SMOC2: variants seen among roughly 807,000 people sequenced by gnomAD.
The protein encoded by SMOC2 is SPARC related modular calcium binding 2.
SMOC2 carries 39 observed loss-of-function variants against 61.4 expected under a neutral mutation model. That is an observed-to-expected ratio of 0.64 (90% CI 0.49 to 0.83). The LOEUF (loss-of-function observed/expected upper bound fraction) is 0.83, where lower values mean the gene tolerates loss of function less well. Among genes scored for constraint, SMOC2 ranks in the 40% least tolerant of loss-of-function variants. SMOC2 has a pLI of 0.00. For synonymous variants in SMOC2, 247 were observed against 239.9 expected (o/e 1.03, Z -0.27); for missense variants, 556 against 592.9 (o/e 0.94, Z 0.65).
At chr6:168,656,651 A>G (rs1047156048) in intron 11 of SMOC2, among the ~76,000 whole-genome samples, 2 of 151,354 alleles carry the variant, frequency 1.3e-5, no homozygotes, top group African/African-American at 4.9e-5. Context: ...GGCAGTGATC[A>G]TCGTCTGCCT....
At chr6:168,597,023 T>C (rs1785350945) in intron 7 of SMOC2, among the ~76,000 whole-genome samples, 1 of 152,238 alleles carries the variant, frequency 6.6e-6, no homozygotes, top group African/African-American at 2.4e-5. Flanking sequence ...GATAAGAGCA[T>C]TGTCATCGTG....
intron 7 of SMOC2, among the ~76,000 whole-genome samples, chr6:168,583,628 A>G (rs1205057983): frequency 6.6e-6 from 1 of 152,156 alleles, no homozygotes; most frequent in Non-Finnish European, 1.5e-5. Flanking sequence ...GCAGAGGCAC[A>G]CGAAAGCCGG....
chr6:168,648,786 C>T (rs1787113086), intron 9 of SMOC2, among the ~76,000 whole-genome samples: 1 of 152,236 alleles, frequency 6.6e-6, no homozygotes, highest in African/African-American at 2.4e-5. Context: ...TGGAAGCCAG[C>T]ATGACTGTGG....
chr6:168,558,730 T>C (rs1043686338), intron 7 of SMOC2, among the ~76,000 whole-genome samples: 1 of 152,258 alleles, frequency 6.6e-6, no homozygotes, highest in African/African-American at 2.4e-5. Flanking sequence ...AGGGCATCTC[T>C]TGAGGCTCTT....
chr6:168,489,744 T>C (rs924468098), intron 1 of SMOC2, among the ~76,000 whole-genome samples: 6 of 152,118 alleles, frequency 3.9e-5, no homozygotes, highest in Non-Finnish European at 5.9e-5. Flanking sequence ...GAATGAAATA[T>C]ATCAAATCGT....
chr6:168,500,892 A>G (rs1782712149), intron 1 of SMOC2, among the ~76,000 whole-genome samples: 1 of 152,180 alleles, frequency 6.6e-6, no homozygotes, highest in African/African-American at 2.4e-5. Flanking sequence ...AGCTAAAGCA[A>G]TAAGGATGGT....
intron 2 of SMOC2, among the ~76,000 whole-genome samples, chr6:168,518,002 T>C (rs1272318685): frequency 1.3e-5 from 2 of 152,236 alleles, no homozygotes; most frequent in African/African-American, 4.8e-5. Flanking sequence ...AAGAATTCTT[T>C]CTCTCTGGAG....
intron 8 of SMOC2, among the ~76,000 whole-genome samples, chr6:168,604,377 G>A (rs1440082761): frequency 6.6e-6 from 1 of 152,016 alleles, no homozygotes; most frequent in Non-Finnish European, 1.5e-5. Flanking sequence ...TGATCACCTA[G>A]GGAGACATGG....
chr6:168,515,304 G>T (rs12193410), intron 2 of SMOC2, among the ~76,000 whole-genome samples: 28,622 of 152,130 alleles, frequency 0.19, 2,885 homozygotes, highest in Admixed American at 0.24. Flanking sequence ...TCTCGTGTGT[G>T]GTGCTGCAGC....
At chr6:168,558,802 CGCATGTGTGTGTGT>C (rs926622462) in intron 7 of SMOC2, among the ~76,000 whole-genome samples, 2 of 132,034 alleles carry the variant, frequency 1.5e-5, no homozygotes, top group Non-Finnish European at 3.5e-5. Context: ...TGTGCGTGTG[CGCATGTGTGTGTGT>C]GCGTATGTGC....
At chr6:168,655,722 C>T (rs1470665338) in intron 11 of SMOC2, among the ~76,000 whole-genome samples, 1 of 152,124 alleles carries the variant, frequency 6.6e-6, no homozygotes, top group Non-Finnish European at 1.5e-5. Context: ...TCCTGGATCC[C>T]CTCACACATG....
Position 168,640,394 on chromosome 6 carries a change from C to T in SMOC2, c.908-10287C>T, listed in dbSNP as rs78518982. 4.2e-4 allele frequency among the ~76,000 whole-genome samples: 64 copies of T among 152,144 alleles called. No homozygotes were observed. The East Asian group carries it at 0.011, about 27-fold the overall frequency. ...CTGCGGCGGGGGGCTGCTGCATTCC[C>T]GGGGGCTGCTGCAGACGCTGAGGGG... is the stretch of plus-strand genomic sequence containing the variant. On this transcript the variant is annotated intron_variant, in intron 9 of 12. Coordinates refer to ENST00000356284, the MANE Select transcript of SMOC2 (RefSeq NM_001166412.2).
chr6:168,510,192 T>A (rs933991002), intron 2 of SMOC2, 106 bp downstream of exon 2: 5 of 1,137,122 alleles, frequency 4.4e-6, no homozygotes, highest in Non-Finnish European at 6.2e-6. Context: ...CAAACTCGGG[T>A]TTATGTTGGC....
chr6:168,499,414 T>C (rs984519349), intron 1 of SMOC2, among the ~76,000 whole-genome samples: 1 of 152,202 alleles, frequency 6.6e-6, no homozygotes, highest in Admixed American at 6.5e-5. Context: ...CCAGGTAGCA[T>C]GTTTGCTTTT....
intron 1 of SMOC2, among the ~76,000 whole-genome samples, chr6:168,479,438 A>C (rs1369416980): frequency 1.3e-5 from 2 of 152,256 alleles, no homozygotes; most frequent in Non-Finnish European, 2.9e-5. Context: ...AGAAGGAAAC[A>C]TCAGAAATCT....
At chr6:168,549,039 C>A in intron 6 of SMOC2, 90 bp from the exon 7 acceptor site, 2 of 934,418 alleles carry the variant, frequency 2.1e-6, no homozygotes, top group Non-Finnish European at 3.5e-6. Context: ...TTTATTTTGG[C>A]TGTTGGACTA....
intron 1 of SMOC2, among the ~76,000 whole-genome samples, chr6:168,482,152 A>T (rs1782220500): frequency 6.6e-6 from 1 of 151,948 alleles, no homozygotes; most frequent in Admixed American, 6.6e-5. Flanking sequence ...AGCTACATAG[A>T]CTAAGAAAAA....
At chr6:168,542,810 T>G (rs534097432) in intron 4 of SMOC2, among the ~76,000 whole-genome samples, 1 of 152,304 alleles carries the variant, frequency 6.6e-6, no homozygotes, top group African/African-American at 2.4e-5. Context: ...AGCTATATTT[T>G]TAATTTGAAT....
Position 168,547,058 on chromosome 6 carries a change from C to G in SMOC2, c.512-61C>G, listed in dbSNP as rs373748486. 13 of 1,606,644 alleles carry G rather than the reference C, an allele frequency of 8.1e-6. No individual in the cohort carries two copies. In the African/African-American group the frequency reaches 1.7e-4, roughly 21 times the overall value. ...TCCTCAGCATCCACCCGTATGCACACTTACTTAACTTACTCTCATAATTGT... is the reference window on the plus strand; with the variant it reads ...TCCTCAGCATCCACCCGTATGCACAGTTACTTAACTTACTCTCATAATTGT... On this transcript the variant is annotated intron_variant, in intron 5 of 12. Coordinates refer to ENST00000356284, the MANE Select transcript of SMOC2 (RefSeq NM_001166412.2).
Sources: gnomAD v4.1 joint callset for allele counts (sites outside exome capture counted in the v4.1 genomes callset) on GRCh38, gnomAD v4.1.1 for gene constraint, MANE v1.5 for transcripts, NCBI Gene and HGNC (gene_info 2026-07-23, HGNC 2026-07-21) for gene names.